Variants in TPST1 observed in about 807,000 individuals in gnomAD.
TPST1 encodes the protein protein-tyrosine sulfotransferase 1.
A neutral mutation model predicts 34.8 loss-of-function variants in TPST1; 20 were observed. The observed-to-expected ratio is 0.57, with a 90% confidence interval of 0.40 to 0.84. The LOEUF is 0.84. TPST1 is among the 40% of genes least tolerant of loss of function. The pLI is 0.00. For synonymous variants in TPST1, 152 were observed against 159.4 expected (o/e 0.95, Z 0.35); for missense variants, 353 against 455.5 (o/e 0.78, Z 2.05).
At chr7:66,237,053 A>C (rs943058868) in intron 1 of TPST1, among the ~76,000 whole-genome samples, 5 of 152,124 alleles carry the variant, frequency 3.3e-5, no homozygotes, top group African/African-American at 4.8e-5. Flanking sequence ...CTGTGCCTGC[A>C]TGCCACTTCT....
chr7:66,328,900 ATATATATTT>A (rs1474253750), intron 3 of TPST1, among the ~76,000 whole-genome samples: 9 of 45,154 alleles, frequency 2.0e-4, no homozygotes, highest in East Asian at 4.8e-4. Flanking sequence ...ATATATATAT[ATATATATTT>A]TTTTTTTTTT....
intron 3 of TPST1, among the ~76,000 whole-genome samples, chr7:66,314,966 A>G (rs2116150669): frequency 6.6e-6 from 1 of 152,298 alleles, no homozygotes; most frequent in Non-Finnish European, 1.5e-5. Context: ...GCATCCATTG[A>G]TTATTCTTAC....
intron 2 of TPST1, among the ~76,000 whole-genome samples, chr7:66,243,610 A>ATTTTTTTTT (rs10627680): frequency 1.6e-5 from 2 of 123,374 alleles, no homozygotes; most frequent in African/African-American, 6.4e-5. Context: ...TGCCCAGCTA[A>ATTTTTTTTT]TTTTTTTTTT....
chr7:66,283,595 G>A (rs145179651), intron 2 of TPST1, among the ~76,000 whole-genome samples: 40 of 152,262 alleles, frequency 2.6e-4, no homozygotes, highest in African/African-American at 8.2e-4. Context: ...ATTTTCATGT[G>A]TAATGAAATG....
chr7:66,302,628 A>C (rs2116052264), intron 3 of TPST1, among the ~76,000 whole-genome samples: 1 of 152,272 alleles, frequency 6.6e-6, no homozygotes, highest in East Asian at 1.9e-4. Context: ...TTTTCTGCCC[A>C]CTTGTACCCA....
chr7:66,207,757 T>C (rs1284651294), intron 1 of TPST1, among the ~76,000 whole-genome samples: 1 of 152,232 alleles, frequency 6.6e-6, no homozygotes, highest in Non-Finnish European at 1.5e-5. Flanking sequence ...ACTGCATAGC[T>C]GTATGTGGAT....
At position 66,356,808 on chromosome 7, in the gene TPST1, TTTC is replaced by T. The variant is rs1792591425; in HGVS notation, c.1096-14_1096-12del. 6.2e-7 allele frequency: 1 copy of T among 1,614,018 alleles called. No homozygotes were observed. Among genetic ancestry groups the T allele is most frequent in the African/African-American group, 1.3e-5 (1 of 74,934 alleles). ...CAACTTCAAGGACATTAAAACATCT[TTTC>T]TTTCCTTCAACAGACTGAGCAAGTG... On this transcript the variant is annotated splice_polypyrimidine_tract_variant and intron_variant, in intron 4 of 5. Coordinates refer to ENST00000304842, the MANE Select transcript of TPST1 (RefSeq NM_003596.4).
At chr7:66,243,165 GTGTT>G (rs1308229615) in intron 2 of TPST1, among the ~76,000 whole-genome samples, 2 of 142,728 alleles carry the variant, frequency 1.4e-5, no homozygotes, top group South Asian at 2.1e-4. Context: ...GTGTGTGTGT[GTGTT>G]TGTGTGTGTG....
chr7:66,228,191 G>T (rs961373807), intron 1 of TPST1, among the ~76,000 whole-genome samples: 9 of 152,068 alleles, frequency 5.9e-5, no homozygotes, highest in African/African-American at 2.2e-4. Flanking sequence ...AGAAACTATT[G>T]GTTGCTTCTT....
chr7:66,250,042 C>T (rs1292593877), intron 2 of TPST1, among the ~76,000 whole-genome samples: 1 of 152,180 alleles, frequency 6.6e-6, no homozygotes, highest in Non-Finnish European at 1.5e-5. Flanking sequence ...TGTAACATTG[C>T]ATCAAATACT....
intron 2 of TPST1, among the ~76,000 whole-genome samples, chr7:66,273,909 T>A (rs1790753280): frequency 6.6e-6 from 1 of 152,142 alleles, no homozygotes; most frequent in Admixed American, 6.6e-5. Context: ...TTCAAGCGAT[T>A]CTCTCACCTG....
At chr7:66,323,225 C>A (rs555250217) in intron 3 of TPST1, among the ~76,000 whole-genome samples, 25 of 152,114 alleles carry the variant, frequency 1.6e-4, no homozygotes, top group Middle Eastern at 3.4e-3. Flanking sequence ...TATTTTGATT[C>A]TTTAATTGGG....
chr7:66,252,723 T>C (rs74788520), intron 2 of TPST1, among the ~76,000 whole-genome samples: 2,235 of 152,302 alleles, frequency 0.015, 62 homozygotes, highest in East Asian at 0.093. Context: ...AATCTTTTGA[T>C]GAATTTAAGT....
At chr7:66,258,035 C>T (rs1416740566) in intron 2 of TPST1, among the ~76,000 whole-genome samples, 3 of 152,038 alleles carry the variant, frequency 2.0e-5, no homozygotes, top group African/African-American at 7.2e-5. Context: ...ATCATCTGAG[C>T]TTTGTTTTTG....
chr7:66,356,949 G>A (rs538654452), intron 5 of TPST1, 78 bp downstream of exon 5: 2 of 1,453,346 alleles, frequency 1.4e-6, no homozygotes, highest in Admixed American at 3.6e-5. Flanking sequence ...CCAAGGTGGA[G>A]AGCACAGCTC....
chr7:66,324,676 G>A (rs1384077408), intron 3 of TPST1, among the ~76,000 whole-genome samples: 1 of 151,760 alleles, frequency 6.6e-6, no homozygotes, highest in Non-Finnish European at 1.5e-5. Flanking sequence ...GTGGGTTCCT[G>A]TAATCCCAGC....
chr7:66,204,086 A>C (rs1236425341), upstream of TPST1, among the ~76,000 whole-genome samples: 1 of 151,928 alleles, frequency 6.6e-6, no homozygotes, highest in Non-Finnish European at 1.5e-5. Flanking sequence ...CGGAGGCATG[A>C]GAATCACTTG....
chr7:66,199,220 C>G, the TPST1 span, among the ~76,000 whole-genome samples: 1 of 152,028 alleles, frequency 6.6e-6, no homozygotes, highest in Admixed American at 6.6e-5. Flanking sequence ...CATTACCTGT[C>G]CATCCGTCCA....
At chr7:66,330,190 C>G (rs991053884) in intron 3 of TPST1, among the ~76,000 whole-genome samples, 3 of 152,088 alleles carry the variant, frequency 2.0e-5, no homozygotes, top group African/African-American at 7.2e-5. Context: ...AGGAACTTTA[C>G]AGATGGAATT....
Sources: allele counts gnomAD v4.1 joint callset (sites outside exome capture counted in the v4.1 genomes callset), GRCh38; gene constraint gnomAD v4.1.1; transcripts MANE v1.5; gene names NCBI Gene and HGNC (gene_info 2026-07-23, HGNC 2026-07-21).